SPG11: variants seen among roughly 807,000 people sequenced by gnomAD.
SPG11 encodes the protein spatacsin.
In SPG11, 222 loss-of-function variants were observed where a neutral mutation model predicts 274.0. The observed-to-expected ratio is 0.81, with a 90% CI of 0.73 to 0.91. The LOEUF (loss-of-function observed/expected upper bound fraction) is 0.91. SPG11 is among the 40% of genes least tolerant of loss of function. The pLI, the probability that SPG11 is intolerant of heterozygous loss-of-function variation, is 0.00. For missense variants in SPG11, 3,114 were observed against 2,872.7 expected (o/e 1.08, Z -1.92); for synonymous variants, 1,144 against 1,039.7 (o/e 1.10, Z -1.93).
Position 44,621,743 on chromosome 15 carries a change from GCT to G in SPG11, c.2620+14_2620+15del. 6.2e-7 allele frequency: 1 copy of G among 1,610,894 alleles called. No individual in the cohort carries two copies. The highest frequency in any genetic ancestry group is 1.1e-5 in the South Asian group (1 of 90,984). The stretch of plus-strand genomic sequence containing the variant: ...CTCATTCAGTATGTTCATATTTCAG[GCT>G]CTCTCACACTTGCCTTCTGGACTTA... On this transcript the variant is annotated intron_variant, in intron 14 of 39. Transcript: ENST00000261866.
Position 44,652,116 on chromosome 15 carries a change from G to A in SPG11, c.1007+13C>T. 2 of 1,614,072 alleles carry A rather than the reference G, an allele frequency of 1.2e-6. No homozygotes were observed. The highest frequency in any genetic ancestry group is 1.1e-5 in the South Asian group (1 of 91,078). ...TAAGAACAATAAACTACATGAAAAG[G>A]AAGTTTCTGTACCTATCAATTTGGA... On this transcript the variant is annotated intron_variant, in intron 5 of 39. Coordinates refer to ENST00000261866, the MANE Select transcript of SPG11 (RefSeq NM_025137.4).
intron 8 of SPG11, among the ~76,000 whole-genome samples, chr15:44,630,901 A>T (rs1353681776): frequency 6.6e-6 from 1 of 152,088 alleles, no homozygotes; most frequent in Non-Finnish European, 1.5e-5. Context: ...TTAAAAGAAA[A>T]TATCTTTCCA....
intron 32 of SPG11, chr15:44,573,333 TAAAAC>T: frequency 1.6e-6 from 1 of 642,300 alleles, no homozygotes; most frequent in South Asian, 1.9e-5. Context: ...AGTGTAATCA[TAAAAC>T]AATAAAAAGC....
At chr15:44,602,813 G>GT (rs955568126) in intron 20 of SPG11, among the ~76,000 whole-genome samples, 2 of 151,990 alleles carry the variant, frequency 1.3e-5, no homozygotes, top group African/African-American at 4.8e-5. Context: ...TTAATGTGGT[G>GT]TATCATTTAT....
At chr15:44,650,238 G>A (rs187000775) in intron 6 of SPG11, among the ~76,000 whole-genome samples, 9 of 152,222 alleles carry the variant, frequency 5.9e-5, no homozygotes, top group Middle Eastern at 3.4e-3. Context: ...AATGGCTCAG[G>A]CTAAGCATGG....
chr15:44,589,258 A>G lies in SPG11; in HGVS notation c.4900T>C (p.Ser1634Pro), dbSNP rs746562731. Residue 1634 changes from serine to proline, a missense_variant, in exon 28 of 40, where the codon TCT becomes CCT. Ser to Pro is a moderately conservative substitution (Grantham distance 74, BLOSUM62 -1). Coordinates refer to ENST00000261866, the MANE Select transcript of SPG11 (RefSeq NM_025137.4). The stretch of plus-strand genomic sequence containing the variant: ...ACTGTAAGGATTGTCTTACCATCAG[A>G]GAAGAGATGCTCTCTTTCAACAAAG... ...QLFVEREHLF[S>P]DGPDVKKLCI... 1.2e-6 allele frequency: 2 copies of G among 1,613,806 alleles called. No homozygotes were observed. The highest frequency in any genetic ancestry group is 1.7e-6 in the Non-Finnish European group (2 of 1,179,902).
In SPG11 at chr15:44,570,538, T is replaced by C; in HGVS notation, c.6464A>G (p.Glu2155Gly). The change falls in exon 34 of 40, where the codon GAG becomes GGG. Residue 2155 changes from glutamate to glycine, a missense_variant. Physicochemically the swap from Glu to Gly is moderately conservative, Grantham distance 98. Transcript: ENST00000261866. ...GGGGCTACTTACCACCAGCCCATAC[T>C]CCTCACTGGGGGCCAGGTGGTTATC... is the stretch of plus-strand genomic sequence containing the variant. The part of the protein sequence containing the change: ...LTDNHLAPSE[E>G]YGLVVRLLTG... 6.2e-7 allele frequency: 1 copy of C among 1,614,072 alleles called. No homozygotes were observed. Among genetic ancestry groups the C allele is most frequent in the Non-Finnish European group, 8.5e-7 (1 of 1,179,966 alleles).
intron 13 of SPG11, 79 bp downstream of exon 13, chr15:44,622,141 C>G (rs2083770477): frequency 1.3e-6 from 2 of 1,500,212 alleles, no homozygotes; most frequent in Non-Finnish European, 1.8e-6. Context: ...ACATAAGAAA[C>G]TTGTGTTCAC....
intron 17 of SPG11, among the ~76,000 whole-genome samples, chr15:44,611,470 A>T (rs2083458551): frequency 6.6e-6 from 1 of 152,194 alleles, no homozygotes; most frequent in South Asian, 2.1e-4. Flanking sequence ...GCAGTAATTT[A>T]AAAAAACTCA....
chr15:44,614,272 C>T (rs1052221469), intron 16 of SPG11, among the ~76,000 whole-genome samples: 2 of 152,130 alleles, frequency 1.3e-5, no homozygotes, highest in African/African-American at 2.4e-5. Context: ...ATTGCCCAGG[C>T]TGGAGTGCAG....
intron 38 of SPG11, among the ~76,000 whole-genome samples, chr15:44,565,204 T>G (rs1315280971): frequency 6.6e-6 from 1 of 152,186 alleles, no homozygotes; most frequent in Non-Finnish European, 1.5e-5. Flanking sequence ...AGTGTGCCAT[T>G]CTGTAACTGC....
At chr15:44,661,887 A>G (rs1361784789) in intron 1 of SPG11, among the ~76,000 whole-genome samples, 2 of 152,238 alleles carry the variant, frequency 1.3e-5, no homozygotes, top group African/African-American at 2.4e-5. Flanking sequence ...TTTTTAACCT[A>G]TGAAGTATTT....
chr15:44,632,020 G>T (rs768847185), intron 8 of SPG11, among the ~76,000 whole-genome samples: 38 of 151,578 alleles, frequency 2.5e-4, no homozygotes, highest in Admixed American at 9.9e-4. Context: ...TGTTACCCAG[G>T]CTAGTCTCAA....
intron 4 of SPG11, among the ~76,000 whole-genome samples, chr15:44,654,894 G>A (rs1414253967): frequency 2.6e-5 from 4 of 152,078 alleles, no homozygotes; most frequent in African/African-American, 7.2e-5. Context: ...ACACACTTAC[G>A]GACTGTACAT....
chr15:44,578,557 T>C (rs1440156187), intron 30 of SPG11, among the ~76,000 whole-genome samples: 1 of 152,076 alleles, frequency 6.6e-6, no homozygotes. Flanking sequence ...AGCAACCCAA[T>C]ACATTTTTAT....
intron 30 of SPG11, among the ~76,000 whole-genome samples, chr15:44,581,900 C>A (rs886670601): frequency 1.3e-5 from 2 of 151,990 alleles, no homozygotes; most frequent in African/African-American, 4.8e-5. Context: ...TAAAATTAAA[C>A]TATACAAAGA....
chr15:44,622,707 T>C, intron 12 of SPG11, 21 bp downstream of exon 12: 4 of 1,572,088 alleles, frequency 2.5e-6, no homozygotes, highest in Non-Finnish European at 1.8e-6. Context: ...ATGTATACTA[T>C]GTAGTCTCAC....
Position 44,585,602 on chromosome 15 carries a change from T to TA in SPG11, c.5121+33dup, listed in dbSNP as rs34800368. On this transcript the variant is annotated intron_variant, in intron 29 of 39. Transcript: ENST00000261866. ...GGGTGACAGAGCAAGACCCCGTATCTAAAAAAAAAAAAAAAAAAAAAGACC... is the reference window on the plus strand; with the variant it reads ...GGGTGACAGAGCAAGACCCCGTATCTAAAAAAAAAAAAAAAAAAAAAAGACC... 0.039 allele frequency: 46,442 copies of TA among 1,187,146 alleles called. 203 individuals carry two copies. The highest frequency in any genetic ancestry group is 0.069 in the African/African-American group (3,161 of 45,660). 73.5% of individuals were successfully genotyped at this position (1,187,146 alleles called of 1,614,324 possible).
At chr15:44,591,971 T>C (rs1256191124) in intron 27 of SPG11, among the ~76,000 whole-genome samples, 1 of 151,654 alleles carries the variant, frequency 6.6e-6, no homozygotes, top group African/African-American at 2.4e-5. Flanking sequence ...GTTAGCTGGG[T>C]GTGGTGGTGG....
Sources: allele counts gnomAD v4.1 joint callset (sites outside exome capture counted in the v4.1 genomes callset), GRCh38; gene constraint gnomAD v4.1.1; transcripts MANE v1.5; gene names NCBI Gene and HGNC (gene_info 2026-07-23, HGNC 2026-07-21).